The following ASIC2 variants were observed in gnomAD, a reference collection of about 807,000 sequenced individuals.
ASIC2 encodes acid sensing ion channel subunit 2.
ASIC2 carries 25 observed loss-of-function variants against 57.3 expected under a neutral mutation model. The observed-to-expected ratio is 0.44, with a 90% CI of 0.32 to 0.61. The LOEUF (loss-of-function observed/expected upper bound fraction) is 0.61, where lower values mean the gene tolerates loss of function less well. Ranked by LOEUF, ASIC2 falls within the 20% of genes least tolerant of loss-of-function variation. The probability of loss-of-function intolerance (pLI) is 0.06; values close to 1 mark genes in which losing one functional copy is unlikely to be tolerated. For missense variants in ASIC2, 641 were observed against 738.1 expected, an observed-to-expected ratio of 0.87 and a Z score of 1.52; for synonymous variants, 319 against 307.5, an observed-to-expected ratio of 1.04 and a Z score of -0.39.
chr17:33,185,632 G>C (rs1399316150), intron 1 of ASIC2, among the ~76,000 whole-genome samples: 5 of 152,080 alleles, frequency 3.3e-5, no homozygotes, highest in Admixed American at 2.6e-4. Context: ...AGGCCAAAAA[G>C]CTAGAATTCA....
At position 33,139,849 on chromosome 17, in the gene ASIC2, C is replaced by T. The variant is rs367645007; in HGVS notation, c.709-27782G>A. On this transcript the variant is annotated intron_variant, in intron 1 of 9. Transcript: ENST00000225823. ...GGAGGCAGGAAGAAATGAGTGTCAG[C>T]CTGGGTCCTGCCATTAGCTATTGTG... 1.4e-4 allele frequency among the ~76,000 whole-genome samples: 22 copies of T among 152,320 alleles called. No individual in the cohort carries two copies. The South Asian group carries it at 2.5e-3, about 17-fold the overall frequency.
intron 2 of ASIC2, among the ~76,000 whole-genome samples, chr17:33,104,094 G>A (rs934871109): frequency 1.3e-5 from 2 of 152,078 alleles, no homozygotes; most frequent in African/African-American, 4.8e-5. Flanking sequence ...CTGCCAAGTC[G>A]ATTGCCACTC....
intron 1 of ASIC2, among the ~76,000 whole-genome samples, chr17:33,805,484 T>C (rs1344962661): frequency 6.6e-6 from 1 of 152,160 alleles, no homozygotes; most frequent in Non-Finnish European, 1.5e-5. Flanking sequence ...TTCTTCCTCA[T>C]AGGGAAATCT....
At position 33,112,009 on chromosome 17, in the gene ASIC2, A is replaced by C; in HGVS notation, c.767T>G (p.Leu256Arg). 1 of 1,614,058 alleles carries C rather than the reference A, an allele frequency of 6.2e-7. No individual in the cohort carries two copies. Among genetic ancestry groups the C allele is most frequent in the Non-Finnish European group, 8.5e-7 (1 of 1,179,988 alleles). The change falls in exon 2 of 10, where the codon CTG (leucine) becomes CGG (arginine). Residue 256 changes from leucine (L) to arginine (R), a missense_variant. By Grantham distance (102) the Leu-to-Arg change is moderately radical (BLOSUM62 -2). This residue lies in a region of ASIC2 where 382 missense variants were observed against 398.0 expected (regional missense o/e 0.96). Coordinates refer to ENST00000225823, the MANE Select transcript of ASIC2 (RefSeq NM_183377.2). ...TGTCCCCCCCTTGACCGTGGTGAGC[A>C]GAGGTTTGCCATCCTCGCCTGAGTT... ...MFNSGEDGKPLLTTVKGGTGN... is the reference protein window; with the variant it reads ...MFNSGEDGKPRLTTVKGGTGN...
chr17:33,856,602 A>G (rs966599891), intron 1 of ASIC2, among the ~76,000 whole-genome samples: 1 of 62,898 alleles, frequency 1.6e-5, no homozygotes, highest in Non-Finnish European at 3.5e-5. Flanking sequence ...AACAGGAAGC[A>G]GCTCAGAGGA....
chr17:33,436,125 C>G (rs1911598937), intron 1 of ASIC2, among the ~76,000 whole-genome samples: 1 of 152,268 alleles, frequency 6.6e-6, no homozygotes, highest in Admixed American at 6.5e-5. Flanking sequence ...TGTCTTCACT[C>G]ATGCCTGGGC....
intron 1 of ASIC2, among the ~76,000 whole-genome samples, chr17:33,430,633 G>A (rs796436835): frequency 3.7e-4 from 56 of 152,290 alleles, no homozygotes; most frequent in African/African-American, 1.3e-3. Flanking sequence ...AATTGTGAAT[G>A]CAGCTACTCA....
At chr17:33,841,575 A>G (rs563316417) in intron 1 of ASIC2, among the ~76,000 whole-genome samples, 3 of 152,338 alleles carry the variant, frequency 2.0e-5, no homozygotes, top group African/African-American at 4.8e-5. Context: ...AGAAAATGCC[A>G]CTTTACACAG....
intron 1 of ASIC2, among the ~76,000 whole-genome samples, chr17:33,560,222 A>G (rs1229915466): frequency 6.6e-6 from 1 of 152,218 alleles, no homozygotes; most frequent in Non-Finnish European, 1.5e-5. Context: ...ATAACACCTC[A>G]ACCAGTTTTT....
chr17:33,828,105 T>G (rs1296894845), intron 1 of ASIC2: 1 of 152,242 alleles, frequency 6.6e-6, no homozygotes, highest in African/African-American at 2.4e-5. Flanking sequence ...GTGCCACATT[T>G]TCTTTATCCG....
intron 1 of ASIC2, chr17:34,000,882 A>G (rs1906317357): frequency 6.6e-6 from 1 of 151,974 alleles, no homozygotes; most frequent in Admixed American, 6.5e-5. Flanking sequence ...TTTTTAGTTT[A>G]GTTACTGTGT....
chr17:33,754,474 C>T (rs1184524144), intron 1 of ASIC2, among the ~76,000 whole-genome samples: 1 of 152,080 alleles, frequency 6.6e-6, no homozygotes, highest in East Asian at 1.9e-4. Flanking sequence ...GGGCTTCCTG[C>T]TCCTGGGAGC....
chr17:33,205,230 C>A (rs1907016634), intron 1 of ASIC2, among the ~76,000 whole-genome samples: 1 of 152,188 alleles, frequency 6.6e-6, no homozygotes, highest in Admixed American at 6.5e-5. Flanking sequence ...CTTGTCAGTC[C>A]TCAAAGCCAC....
intron 1 of ASIC2, among the ~76,000 whole-genome samples, chr17:33,516,334 G>A (rs1914565949): frequency 6.6e-6 from 1 of 151,700 alleles, no homozygotes; most frequent in African/African-American, 2.4e-5. Flanking sequence ...GCGTATGAGT[G>A]TGTGTGTTTG....
At chr17:33,157,655 G>A (rs147903876) in intron 1 of ASIC2, among the ~76,000 whole-genome samples, 3 of 152,164 alleles carry the variant, frequency 2.0e-5, no homozygotes, top group Non-Finnish European at 2.9e-5. Flanking sequence ...AAGAATGCAA[G>A]CAGGTTGCCA....
chr17:34,047,506 CAGAAAAAAAAA>C (rs1251188157), intron 1 of ASIC2, among the ~76,000 whole-genome samples: 9 of 68,326 alleles, frequency 1.3e-4, no homozygotes, highest in African/African-American at 3.3e-4. Flanking sequence ...CACCTTTCTC[CAGAAAAAAAAA>C]AAAAAAAAAA....
chr17:33,193,834 C>T (rs1030292285), intron 1 of ASIC2, among the ~76,000 whole-genome samples: 1 of 152,140 alleles, frequency 6.6e-6, no homozygotes. Flanking sequence ...TGGGAACATC[C>T]CTGTGGGATT....
intron 1 of ASIC2, among the ~76,000 whole-genome samples, chr17:33,703,039 A>C (rs1433887820): frequency 6.6e-6 from 1 of 152,156 alleles, no homozygotes; most frequent in Non-Finnish European, 1.5e-5. Context: ...GGCCACTGGG[A>C]TGGTTACTTT....
chr17:33,238,980 A>G (rs1908400171), intron 1 of ASIC2, among the ~76,000 whole-genome samples: 3 of 144,582 alleles, frequency 2.1e-5, no homozygotes, highest in Non-Finnish European at 4.6e-5. Flanking sequence ...CTCCAGCCTG[A>G]ATGACAGAGA....
Sources: gnomAD v4.1 joint callset for allele counts (sites outside exome capture counted in the v4.1 genomes callset) on GRCh38, gnomAD v4.1.1 for gene constraint, gnomAD v4.1.1 regional missense constraint, MANE v1.5 for transcripts, NCBI Gene and HGNC (gene_info 2026-07-23, HGNC 2026-07-21) for gene names.